Variants in ZNF469 observed in about 807,000 individuals in gnomAD.
ZNF469 encodes the protein zinc finger protein 469.
ZNF469 carries 1 observed loss-of-function variant against 1.0 expected under a neutral mutation model. The ratio of observed to expected loss-of-function variants is 1.00; its 90% confidence interval spans 0.35 to 4.73. ZNF469 has a LOEUF of 4.73. Ranked by LOEUF, ZNF469 falls within the 30% of genes most tolerant of loss-of-function variation. The pLI is 0.16. For missense variants in ZNF469, 6,100 were observed against 5,356.3 expected, an observed-to-expected ratio of 1.14 and a Z score of -4.33; for synonymous variants, 2,703 against 2,363.4, an observed-to-expected ratio of 1.14 and a Z score of -4.17.
At chr16:88,414,841 G>A (rs1309844708) in intron 1 of ZNF469, among the ~76,000 whole-genome samples, 1 of 152,252 alleles carries the variant, frequency 6.6e-6, no homozygotes, top group Non-Finnish European at 1.5e-5. Flanking sequence ...ACTGCCACCC[G>A]GCCCTGCCTT....
the ZNF469 span, among the ~76,000 whole-genome samples, chr16:88,306,145 C>G: frequency 3.3e-5 from 5 of 152,242 alleles, no homozygotes; most frequent in Admixed American, 3.3e-4. Flanking sequence ...CTTCCAATGA[C>G]AAGAGGTTCA....
chr16:88,208,418 C>T, the ZNF469 span, among the ~76,000 whole-genome samples: 1 of 144,972 alleles, frequency 6.9e-6, no homozygotes, highest in East Asian at 2.2e-4. Flanking sequence ...TACTGGGGTG[C>T]CTCGGTGTCC....
chr16:88,111,178 G>C, the ZNF469 span, among the ~76,000 whole-genome samples: 45 of 152,338 alleles, frequency 3.0e-4, no homozygotes, highest in African/African-American at 1.1e-3. Context: ...CTGCCGAAGA[G>C]GCCAGCGTGA....
At chr16:88,378,847 C>T (rs762487492), upstream of ZNF469, among the ~76,000 whole-genome samples, 7 of 152,232 alleles carry the variant, frequency 4.6e-5, no homozygotes, top group Admixed American at 3.3e-4. Context: ...AGTGTTTAAA[C>T]GTCCCACATG....
chr16:88,255,860 G>A, the ZNF469 span, among the ~76,000 whole-genome samples: 398 of 152,282 alleles, frequency 2.6e-3, 3 homozygotes, highest in African/African-American at 9.0e-3. Flanking sequence ...GTCTCTGGTC[G>A]GAGGGAAGGT....
chr16:88,160,734 G>A, the ZNF469 span, among the ~76,000 whole-genome samples: 72 of 152,354 alleles, frequency 4.7e-4, no homozygotes, highest in Non-Finnish European at 6.6e-4. Context: ...TGGGAGAGGC[G>A]TGGCACCTGC....
chr16:88,271,509 G>A, the ZNF469 span, among the ~76,000 whole-genome samples: 2 of 140,880 alleles, frequency 1.4e-5, no homozygotes, highest in East Asian at 2.1e-4. Context: ...TCAGTAGGAC[G>A]GCATGTGTGG....
At chr16:88,386,331 T>C (rs2142261658) in intron 1 of ZNF469, among the ~76,000 whole-genome samples, 1 of 152,226 alleles carries the variant, frequency 6.6e-6, no homozygotes, top group East Asian at 1.9e-4. Flanking sequence ...CATGGGTTCA[T>C]CTCAGGATGT....
At chr16:88,222,413 C>A in the ZNF469 span, among the ~76,000 whole-genome samples, 1 of 152,262 alleles carries the variant, frequency 6.6e-6, no homozygotes, top group South Asian at 2.1e-4. Context: ...CTCAGCCTCC[C>A]GAGTAGCTGG....
At chr16:88,109,139 C>T in the ZNF469 span, among the ~76,000 whole-genome samples, 1 of 152,182 alleles carries the variant, frequency 6.6e-6, no homozygotes, top group East Asian at 1.9e-4. Flanking sequence ...TGCCGTGTCA[C>T]CCCACGTAAT....
intron 1 of ZNF469, among the ~76,000 whole-genome samples, chr16:88,383,863 G>C (rs1242477296): frequency 6.6e-6 from 1 of 152,166 alleles, no homozygotes; most frequent in Non-Finnish European, 1.5e-5. Context: ...CGCACCCCCA[G>C]AGGCTTTTGC....
chr16:88,433,800 G>A lies in ZNF469; in HGVS notation c.6330G>A (p.Leu2110=), dbSNP rs1906370174. 2 of 1,549,724 alleles carry A rather than the reference G, an allele frequency of 1.3e-6. No individual in the cohort carries two copies. The highest frequency in any genetic ancestry group is 1.7e-6 in the Non-Finnish European group (2 of 1,146,838). ...GDSPAPSVGD[L]AACAPSPTSA... ...GCCCAGCACCCTCTGTCGGGGACCT[G>A]GCCGCCTGCGCCCCCTCACCCACTT... Residue 2110 remains leucine (L), a synonymous_variant, in exon 3 of 3, where the codon CTG becomes CTA. Coordinates refer to ENST00000565624, the MANE Select transcript of ZNF469 (RefSeq NM_001367624.2).
At chr16:88,202,603 C>T in the ZNF469 span, among the ~76,000 whole-genome samples, 5 of 152,168 alleles carry the variant, frequency 3.3e-5, no homozygotes, top group Admixed American at 1.3e-4. Flanking sequence ...TCCAGGGCAT[C>T]TCAGAACCTG....
At chr16:88,264,122 G>T in the ZNF469 span, among the ~76,000 whole-genome samples, 10 of 152,188 alleles carry the variant, frequency 6.6e-5, no homozygotes, top group South Asian at 2.1e-3. Context: ...GGCCACAGGG[G>T]CCACGTCCTC....
At chr16:88,131,283 C>T in the ZNF469 span, among the ~76,000 whole-genome samples, 11 of 152,196 alleles carry the variant, frequency 7.2e-5, no homozygotes, top group East Asian at 1.9e-3. Context: ...AAATGAAAAA[C>T]GAAACAAAAG....
In ZNF469 at chr16:88,430,216, A is replaced by T. The variant is rs1906042575; in HGVS notation, c.2746A>T (p.Arg916Trp). ...PDPQTPRPGD[R>W]GCPARGRPKT... ...CCCCCAAACCCCCCGCCCTGGGGAC[A>T]GGGGCTGCCCAGCCCGAGGCAGGCC... The change falls in exon 3 of 3, where the codon AGG becomes TGG. Residue 916 changes from arginine (R) to tryptophan (W), a missense_variant. By Grantham distance (101) the Arg-to-Trp change is moderately radical. Coordinates refer to ENST00000565624, the MANE Select transcript of ZNF469 (RefSeq NM_001367624.2). The T allele has an allele frequency of 6.5e-7, 1 of 1,542,580 alleles. No individual in the cohort carries two copies. The highest frequency in any genetic ancestry group is 1.4e-5 in the African/African-American group (1 of 72,822).
At chr16:88,253,301 T>C in the ZNF469 span, among the ~76,000 whole-genome samples, 1 of 152,198 alleles carries the variant, frequency 6.6e-6, no homozygotes. Flanking sequence ...ATTTCCACAG[T>C]AACTCCCTGA....
the ZNF469 span, among the ~76,000 whole-genome samples, chr16:88,269,030 G>A: frequency 6.6e-6 from 1 of 152,204 alleles, no homozygotes; most frequent in Non-Finnish European, 1.5e-5. Flanking sequence ...GACCTAGGAG[G>A]GTCTGGGCCA....
At chr16:88,199,279 C>G in the ZNF469 span, among the ~76,000 whole-genome samples, 1 of 152,248 alleles carries the variant, frequency 6.6e-6, no homozygotes, top group African/African-American at 2.4e-5. Flanking sequence ...GAGGCAGGAA[C>G]AGGTTAGAGC....
Sources: allele counts gnomAD v4.1 joint callset (sites outside exome capture counted in the v4.1 genomes callset), GRCh38; gene constraint gnomAD v4.1.1; transcripts MANE v1.5; gene names NCBI Gene and HGNC (gene_info 2026-07-23, HGNC 2026-07-21).